STK39: variants seen among roughly 807,000 people sequenced by gnomAD.
STK39 encodes STE20/SPS1-related proline-alanine-rich protein kinase.
Under a neutral mutation model 77.8 loss-of-function variants are expected in STK39, and 20 were observed. The ratio of observed to expected loss-of-function variants is 0.26; its 90% CI spans 0.18 to 0.37. The LOEUF is 0.37. STK39 is among the 10% of genes least tolerant of loss of function. The pLI is 1.00. For synonymous variants in STK39, 246 were observed against 234.1 expected (o/e 1.05, Z -0.47); for missense variants, 479 against 656.5 (o/e 0.73, Z 2.95).
chr2:168,128,378 C>T (rs935865975), intron 10 of STK39, among the ~76,000 whole-genome samples: 1 of 152,168 alleles, frequency 6.6e-6, no homozygotes, highest in Admixed American at 6.5e-5. Context: ...CTGGTGCCCT[C>T]AAACTGAAGA....
intron 14 of STK39, among the ~76,000 whole-genome samples, chr2:168,038,501 C>T (rs995005343): frequency 5.4e-5 from 8 of 149,420 alleles, no homozygotes; most frequent in African/African-American, 1.2e-4. Context: ...AGAAAATCTT[C>T]GCAACCTAGA....
chr2:168,098,279 T>TA (rs1485435322), intron 10 of STK39, among the ~76,000 whole-genome samples: 4 of 152,208 alleles, frequency 2.6e-5, no homozygotes, highest in Non-Finnish European at 4.4e-5. Context: ...CAAGTGCCCA[T>TA]ATTCTCCTTC....
intron 16 of STK39, among the ~76,000 whole-genome samples, chr2:167,983,708 G>T (rs539203313): frequency 2.0e-5 from 3 of 152,042 alleles, no homozygotes; most frequent in Non-Finnish European, 4.4e-5. Flanking sequence ...GACACTGGAC[G>T]CTGGGAATGC....
At chr2:168,118,104 C>T (rs1262827761) in intron 10 of STK39, among the ~76,000 whole-genome samples, 1 of 151,990 alleles carries the variant, frequency 6.6e-6, no homozygotes, top group Non-Finnish European at 1.5e-5. Flanking sequence ...AAGGTCAGCA[C>T]CTAGTAGGTT....
At chr2:168,166,631 T>C (rs1574520156) in intron 3 of STK39, among the ~76,000 whole-genome samples, 1 of 152,180 alleles carries the variant, frequency 6.6e-6, no homozygotes, top group East Asian at 1.9e-4. Context: ...ACAACCTAAA[T>C]ATGCACTGTC....
intron 15 of STK39, among the ~76,000 whole-genome samples, chr2:168,013,327 A>C (rs1270988831): frequency 6.6e-6 from 1 of 152,256 alleles, no homozygotes; most frequent in Non-Finnish European, 1.5e-5. Flanking sequence ...TCGCAATCTC[A>C]TAAGGATGGG....
chr2:168,122,212 T>G (rs141235448), intron 10 of STK39, among the ~76,000 whole-genome samples: 1 of 152,178 alleles, frequency 6.6e-6, no homozygotes, highest in Non-Finnish European at 1.5e-5. Context: ...TAGGCCCTCA[T>G]GTCTATTGTT....
At chr2:168,201,145 A>G (rs1042674954) in intron 1 of STK39, among the ~76,000 whole-genome samples, 10 of 152,222 alleles carry the variant, frequency 6.6e-5, no homozygotes, top group Admixed American at 4.6e-4. Flanking sequence ...TATGGTTTAC[A>G]TTTTCCAACT....
chr2:168,186,364 A>C (rs987025134), intron 1 of STK39, among the ~76,000 whole-genome samples: 2 of 152,200 alleles, frequency 1.3e-5, no homozygotes, highest in African/African-American at 4.8e-5. Flanking sequence ...CAAGCAGACT[A>C]ATACAAAAGC....
intron 16 of STK39, among the ~76,000 whole-genome samples, chr2:167,985,479 C>A (rs777575674): frequency 1.1e-4 from 17 of 152,126 alleles, no homozygotes; most frequent in Admixed American, 3.3e-4. Context: ...AGGATATCTG[C>A]ACATCATCTG....
intron 15 of STK39, among the ~76,000 whole-genome samples, chr2:168,014,326 C>T (rs1193719785): frequency 4.6e-5 from 7 of 152,030 alleles, no homozygotes; most frequent in African/African-American, 7.2e-5. Flanking sequence ...CTCTACAAAG[C>T]GTAAAAAATT....
chr2:168,095,650 G>A (rs1374205140), intron 10 of STK39, among the ~76,000 whole-genome samples: 3 of 118,654 alleles, frequency 2.5e-5, no homozygotes, highest in Non-Finnish European at 4.9e-5. Context: ...TTTTTAAGAC[G>A]GAGTCTTGCT....
At chr2:168,044,968 A>G (rs1559071073) in intron 14 of STK39, among the ~76,000 whole-genome samples, 2 of 152,338 alleles carry the variant, frequency 1.3e-5, no homozygotes, top group East Asian at 1.9e-4. Flanking sequence ...AATCAACCTG[A>G]TAACAGAGAA....
intron 13 of STK39, among the ~76,000 whole-genome samples, chr2:168,064,167 T>C (rs983862454): frequency 5.9e-5 from 9 of 152,132 alleles, no homozygotes; most frequent in African/African-American, 2.2e-4. Flanking sequence ...AATGCAACCA[T>C]GAGCAAGCCA....
intron 1 of STK39, among the ~76,000 whole-genome samples, chr2:168,230,025 G>A (rs1038305123): frequency 5.3e-5 from 8 of 152,198 alleles, no homozygotes; most frequent in Non-Finnish European, 8.8e-5. Flanking sequence ...CACAAGGGTA[G>A]TTGGGTAATA....
At chr2:168,024,467 G>A (rs1470965581) in intron 14 of STK39, among the ~76,000 whole-genome samples, 2 of 152,112 alleles carry the variant, frequency 1.3e-5, no homozygotes, top group African/African-American at 4.8e-5. Flanking sequence ...TCATGAGGGC[G>A]CCACCCTCAC....
At chr2:168,042,240 C>A (rs1425122931) in intron 14 of STK39, among the ~76,000 whole-genome samples, 2 of 152,170 alleles carry the variant, frequency 1.3e-5, no homozygotes, top group Non-Finnish European at 2.9e-5. Context: ...CACCTTAAAT[C>A]TTCTCTGGAA....
chr2:168,103,330 G>C (rs1375304), intron 10 of STK39, among the ~76,000 whole-genome samples: 9 of 152,202 alleles, frequency 5.9e-5, no homozygotes, highest in African/African-American at 2.2e-4. Context: ...AAGCCATCTC[G>C]AATCTTTTCT....
At chr2:167,963,212 G>T (rs979682665) in intron 17 of STK39, among the ~76,000 whole-genome samples, 3 of 152,130 alleles carry the variant, frequency 2.0e-5, no homozygotes, top group Non-Finnish European at 4.4e-5. Flanking sequence ...AATCCAGAGA[G>T]AATTTAAGAA....
Sources: gnomAD v4.1 joint callset for allele counts (sites outside exome capture counted in the v4.1 genomes callset) on GRCh38, gnomAD v4.1.1 for gene constraint, MANE v1.5 for transcripts, NCBI Gene and HGNC (gene_info 2026-07-23, HGNC 2026-07-21) for gene names.